MGAT4C: variants seen among roughly 807,000 people sequenced by gnomAD.
MGAT4C encodes alpha-1,3-mannosyl-glycoprotein 4-beta-N-acetylglucosaminyltransferase C.
In MGAT4C, 19 loss-of-function variants were observed where a neutral mutation model predicts 40.1. The observed-to-expected ratio is 0.47, with a 90% confidence interval of 0.33 to 0.70. The LOEUF is 0.70. MGAT4C is among the 30% of genes least tolerant of loss of function. The pLI is 0.02. For missense variants in MGAT4C, 491 were observed against 563.2 expected (o/e 0.87, Z 1.30); for synonymous variants, 181 against 187.1 (o/e 0.97, Z 0.27).
intron 2 of MGAT4C, among the ~76,000 whole-genome samples, chr12:86,607,681 A>G (rs1030515934): frequency 1.3e-5 from 2 of 152,198 alleles, no homozygotes; most frequent in African/African-American, 2.4e-5. Context: ...AGGTGAAATC[A>G]TAGATAGGAT....
intron 2 of MGAT4C, among the ~76,000 whole-genome samples, chr12:86,692,011 T>C (rs187038550): frequency 6.6e-6 from 1 of 152,280 alleles, no homozygotes; most frequent in East Asian, 1.9e-4. Flanking sequence ...AATATCATAT[T>C]AGTCACAGTT....
At chr12:86,661,527 A>C (rs1432946928) in intron 2 of MGAT4C, among the ~76,000 whole-genome samples, 1 of 152,194 alleles carries the variant, frequency 6.6e-6, no homozygotes, top group Non-Finnish European at 1.5e-5. Flanking sequence ...ACATAAAATT[A>C]ATTTTTTAAT....
chr12:86,753,079 C>T (rs552784273), intron 1 of MGAT4C, among the ~76,000 whole-genome samples: 33 of 152,206 alleles, frequency 2.2e-4, no homozygotes, highest in African/African-American at 7.5e-4. Context: ...AAATTCGTGA[C>T]CTATAAAAAA....
chr12:86,294,516 G>A (rs572168182), intron 4 of MGAT4C, among the ~76,000 whole-genome samples: 8 of 152,130 alleles, frequency 5.3e-5, no homozygotes, highest in African/African-American at 1.4e-4. Context: ...TGACTGTTCC[G>A]AAAATCAAAA....
intron 2 of MGAT4C, among the ~76,000 whole-genome samples, chr12:86,544,224 A>G (rs977495886): frequency 6.6e-6 from 1 of 152,238 alleles, no homozygotes; most frequent in Non-Finnish European, 1.5e-5. Flanking sequence ...CATACTTTAG[A>G]TAAAATCATA....
intron 2 of MGAT4C, among the ~76,000 whole-genome samples, chr12:86,665,330 T>C (rs1045405911): frequency 6.6e-6 from 1 of 152,142 alleles, no homozygotes; most frequent in East Asian, 1.9e-4. Flanking sequence ...GCTGAGACAA[T>C]TGAAACCCAT....
At position 86,268,664 on chromosome 12, in the gene MGAT4C, C is replaced by CATACAT. The variant is rs1555261515; in HGVS notation, c.-57+65400_-57+65401insATGTAT. Among the ~76,000 whole-genome samples, 24 of 143,796 alleles carry CATACAT rather than the reference C, an allele frequency of 1.7e-4. No homozygotes were observed. In the East Asian group the frequency reaches 3.5e-3, roughly 21 times the overall value. The allele number at this position is 143,796 out of a possible 152,430, so 94.3% of individuals were successfully genotyped here. On this transcript the variant is annotated intron_variant, in intron 4 of 7. Coordinates refer to the MGAT4C transcript ENST00000548651. Reference sequence around the variant, plus strand: ...CAAACAAACAAAAGGATATTAACTACATATATATATATATACATATATACA... The same window carrying CATACAT: ...CAAACAAACAAAAGGATATTAACTACATACATATATATATATATATACATATATACA...
chr12:86,002,735 T>C (rs1887464441), intron 2 of MGAT4C, among the ~76,000 whole-genome samples: 1 of 150,046 alleles, frequency 6.7e-6, no homozygotes, highest in Non-Finnish European at 1.5e-5. Context: ...ATGAGTAATA[T>C]ATATGATTAT....
chr12:86,410,886 G>A (rs1487246298), intron 3 of MGAT4C, among the ~76,000 whole-genome samples: 2 of 152,086 alleles, frequency 1.3e-5, no homozygotes, highest in Non-Finnish European at 2.9e-5. Context: ...TCCATTCGGG[G>A]TCCCTGACTT....
chr12:86,764,213 C>A (rs910661940), intron 1 of MGAT4C, among the ~76,000 whole-genome samples: 1 of 152,180 alleles, frequency 6.6e-6, no homozygotes, highest in African/African-American at 2.4e-5. Context: ...GAGATTATAT[C>A]CCGCACCTGG....
At chr12:86,758,352 G>A (rs1951342366) in intron 1 of MGAT4C, among the ~76,000 whole-genome samples, 1 of 147,732 alleles carries the variant, frequency 6.8e-6, no homozygotes, top group African/African-American at 2.5e-5. Flanking sequence ...TAAAGCTAGG[G>A]AACATATTTT....
chr12:86,004,673 A>C (rs563428329), intron 2 of MGAT4C, among the ~76,000 whole-genome samples: 2 of 152,296 alleles, frequency 1.3e-5, no homozygotes, highest in Non-Finnish European at 2.9e-5. Context: ...TAATGAAGTG[A>C]AGAAGAGTGA....
chr12:86,371,926 G>T (rs1327545749), intron 3 of MGAT4C, among the ~76,000 whole-genome samples: 1 of 151,834 alleles, frequency 6.6e-6, no homozygotes, highest in Non-Finnish European at 1.5e-5. Flanking sequence ...TAAAAAATGT[G>T]AAGAATTTTC....
rs1592590353 is a variant in MGAT4C at position 85,979,229 on chromosome 12, G to A, written c.*60C>T. The A allele has an allele frequency of 7.4e-7, 1 of 1,360,488 alleles. No homozygotes were observed. The highest frequency in any genetic ancestry group is 1.5e-5 in the African/African-American group (1 of 68,516). The allele number at this position is 1,360,488 out of a possible 1,614,324, so 84.3% of individuals were successfully genotyped here. A position where few individuals can be genotyped will look rare whatever the true frequency, so the allele number is the denominator to read the frequency against. Reference sequence around the variant, plus strand: ...CATTGCTTTCCCTCCAAAAGACAAAGGTAGCAAAAGACGAAGCAGGAAGAA... The same window carrying A: ...CATTGCTTTCCCTCCAAAAGACAAAAGTAGCAAAAGACGAAGCAGGAAGAA... On this transcript the variant is annotated 3_prime_UTR_variant, in exon 5 of 5. Transcript: ENST00000611864.
At chr12:86,604,919 T>G (rs181564793) in intron 2 of MGAT4C, among the ~76,000 whole-genome samples, 2 of 152,304 alleles carry the variant, frequency 1.3e-5, no homozygotes, top group East Asian at 3.9e-4. Flanking sequence ...ATCTTCGCCT[T>G]CACCTTTTAT....
At chr12:86,561,958 A>G (rs1959883304) in intron 2 of MGAT4C, among the ~76,000 whole-genome samples, 1 of 152,144 alleles carries the variant, frequency 6.6e-6, no homozygotes, top group South Asian at 2.1e-4. Context: ...CTGGGCATGA[A>G]CTGTTTAGAG....
In MGAT4C at chr12:86,009,056, G is replaced by C. The variant is rs143224848; in HGVS notation, c.-6-19504C>G. On this transcript the variant is annotated intron_variant, in intron 2 of 4. Transcript: ENST00000611864. ...ATTTTCTTTTTTATTTTCCAATATT[G>C]TTGTCAGCTTTTGCTATTGGAGTGC... 2.4e-3 allele frequency among the ~76,000 whole-genome samples: 369 copies of C among 151,810 alleles called. 1 individual carries two copies. Among genetic ancestry groups the C allele is most frequent in the African/African-American group, 8.6e-3 (356 of 41,426 alleles).
chr12:86,117,071 T>TA (rs1049299803), intron 1 of MGAT4C, among the ~76,000 whole-genome samples: 1 of 151,968 alleles, frequency 6.6e-6, no homozygotes, highest in Non-Finnish European at 1.5e-5. Flanking sequence ...AATCATTGCT[T>TA]AAAAAAAAGT....
chr12:86,440,836 C>A (rs1444221947), intron 2 of MGAT4C, among the ~76,000 whole-genome samples: 1 of 151,858 alleles, frequency 6.6e-6, no homozygotes, highest in African/African-American at 2.4e-5. Context: ...CAATAACAAC[C>A]AAGCTGAAAA....
Sources: gnomAD v4.1 joint callset for allele counts (sites outside exome capture counted in the v4.1 genomes callset) on GRCh38, gnomAD v4.1.1 for gene constraint, MANE v1.5 for transcripts, NCBI Gene and HGNC (gene_info 2026-07-23, HGNC 2026-07-21) for gene names.